Variants in UMAD1 observed in about 807,000 individuals in gnomAD.
UMAD1 encodes the protein UBAP1-MVB12-associated (UMA)-domain containing protein 1.
Under a neutral mutation model 6.1 loss-of-function variants are expected in UMAD1, and 8 were observed. The ratio of observed to expected loss-of-function variants is 1.30; its 90% CI spans 0.76 to 2.35. The LOEUF (loss-of-function observed/expected upper bound fraction) is 2.35. UMAD1 is among the 30% of genes most tolerant of loss of function. The pLI is 0.00. For missense variants in UMAD1, 130 were observed against 78.4 expected (o/e 1.66, Z -2.49); for synonymous variants, 56 against 31.4 (o/e 1.78, Z -2.61).
chr7:7,784,718 C>A (rs1409980116), intron 2 of UMAD1, among the ~76,000 whole-genome samples: 1 of 149,090 alleles, frequency 6.7e-6, no homozygotes, highest in Non-Finnish European at 1.5e-5. Context: ...ATTACCATAT[C>A]ATCTGAATAT....
chr7:7,648,650 A>T (rs1303188628), intron 1 of UMAD1, among the ~76,000 whole-genome samples: 1 of 151,044 alleles, frequency 6.6e-6, no homozygotes, highest in Non-Finnish European at 1.5e-5. Context: ...CAGGAGTTCG[A>T]GACAAGCCTG....
intron 2 of UMAD1, among the ~76,000 whole-genome samples, chr7:7,749,304 A>G (rs1468580146): frequency 1.3e-5 from 2 of 152,166 alleles, no homozygotes; most frequent in Admixed American, 1.3e-4. Flanking sequence ...GGTTTTTATA[A>G]TCTCACCTCA....
chr7:7,845,225 T>G (rs1174310050), intron 3 of UMAD1, among the ~76,000 whole-genome samples: 1 of 152,084 alleles, frequency 6.6e-6, no homozygotes, highest in Non-Finnish European at 1.5e-5. Context: ...TTAGATATAT[T>G]GGGTTAAATA....
Position 7,701,191 on chromosome 7 carries a change from T to A in UMAD1, c.82+27738T>A, listed in dbSNP as rs534500597. On this transcript the variant is annotated intron_variant, in intron 2 of 3. Coordinates refer to ENST00000682710, the MANE Select transcript of UMAD1 (RefSeq NM_001302348.2). ...GGAAGATGTGTGAGGAGGAATGGAA[T>A]CTATCATACCTATTTAAGGAATGAA... Among the ~76,000 whole-genome samples the A allele has an allele frequency of 2.0e-5, 3 of 152,348 alleles. No homozygotes were observed. In the East Asian group the frequency reaches 5.8e-4, roughly 29 times the overall value.
chr7:7,847,104 A>ATAAATAT (rs1273225137), intron 3 of UMAD1, among the ~76,000 whole-genome samples: 1 of 6,618 alleles, frequency 1.5e-4, no homozygotes, highest in African/African-American at 8.1e-4. Context: ...AAAAAAAAAA[A>ATAAATAT]ATATATATAT....
At chr7:7,654,295 C>A (rs1204066107) in intron 1 of UMAD1, among the ~76,000 whole-genome samples, 1 of 152,170 alleles carries the variant, frequency 6.6e-6, no homozygotes, top group Non-Finnish European at 1.5e-5. Flanking sequence ...CCAAGTGAGG[C>A]CATCTGTATT....
In UMAD1 at chr7:7,727,796, A is replaced by G. The variant is rs191483875; in HGVS notation, c.82+54343A>G. Among the ~76,000 whole-genome samples, 399 of 152,222 alleles carry G rather than the reference A, an allele frequency of 2.6e-3. 2 individuals are homozygous for G. The highest frequency in any genetic ancestry group is 8.8e-3 in the African/African-American group (365 of 41,534). ...AGACTTCAAGTTCTTCAGCTTTGGG[A>G]CTTGAACTGGCTTCCTTGCTCCTCA... On this transcript the variant is annotated intron_variant, in intron 2 of 3. Transcript: ENST00000682710.
At chr7:7,762,701 C>T (rs926488581) in intron 2 of UMAD1, among the ~76,000 whole-genome samples, 3 of 152,174 alleles carry the variant, frequency 2.0e-5, no homozygotes, top group African/African-American at 7.2e-5. Flanking sequence ...ACAGGATTCC[C>T]TGTCTTAGAG....
chr7:7,759,265 TC>T (rs199908423), intron 2 of UMAD1, among the ~76,000 whole-genome samples: 2,829 of 152,294 alleles, frequency 0.019, 27 homozygotes, highest in Middle Eastern at 0.061. Flanking sequence ...ACCTTCCTTC[TC>T]CCCAAGTTTG....
At chr7:7,728,119 C>A (rs1781176249) in intron 2 of UMAD1, among the ~76,000 whole-genome samples, 1 of 152,074 alleles carries the variant, frequency 6.6e-6, no homozygotes, top group African/African-American at 2.4e-5. Context: ...CAGCTTGAAG[C>A]CAAACTGGTA....
At chr7:7,817,705 T>C (rs1294562393) in intron 3 of UMAD1, among the ~76,000 whole-genome samples, 1 of 152,180 alleles carries the variant, frequency 6.6e-6, no homozygotes, top group African/African-American at 2.4e-5. Flanking sequence ...CAAAACTTGG[T>C]TGTATTTTGG....
intron 3 of UMAD1, among the ~76,000 whole-genome samples, chr7:7,847,079 C>G (rs1276921359): frequency 6.1e-5 from 2 of 32,632 alleles, no homozygotes; most frequent in African/African-American, 2.7e-4. Flanking sequence ...AAAAAAAAGA[C>G]AGCAATGCAA....
chr7:7,704,349 T>C (rs1371211380), intron 2 of UMAD1, among the ~76,000 whole-genome samples: 12 of 152,124 alleles, frequency 7.9e-5, no homozygotes, highest in South Asian at 6.2e-4. Context: ...TGATTTCTAA[T>C]ATGAAAAATA....
intron 2 of UMAD1, among the ~76,000 whole-genome samples, chr7:7,675,149 G>T (rs1002903040): frequency 1.3e-5 from 2 of 152,166 alleles, no homozygotes; most frequent in African/African-American, 4.8e-5. Context: ...ACAGGCATGA[G>T]CCACCACGTC....
intron 2 of UMAD1, among the ~76,000 whole-genome samples, chr7:7,691,449 T>C (rs1780170279): frequency 6.6e-6 from 1 of 152,256 alleles, no homozygotes; most frequent in Non-Finnish European, 1.5e-5. Context: ...TATGATAGAA[T>C]TTAAAATATC....
chr7:7,847,084 A>C, intron 3 of UMAD1, among the ~76,000 whole-genome samples: 1 of 43,730 alleles, frequency 2.3e-5, no homozygotes, highest in East Asian at 4.7e-4. Context: ...AAAGACAGCA[A>C]TGCAAAAAAA....
At chr7:7,822,046 T>C (rs1783251083) in intron 3 of UMAD1, among the ~76,000 whole-genome samples, 1 of 152,128 alleles carries the variant, frequency 6.6e-6, no homozygotes, top group South Asian at 2.1e-4. Context: ...TTTTGTATGA[T>C]ATCAGCCAAA....
intron 3 of UMAD1, among the ~76,000 whole-genome samples, chr7:7,837,309 G>A (rs1040884212): frequency 2.0e-5 from 3 of 152,076 alleles, no homozygotes; most frequent in Admixed American, 1.3e-4. Flanking sequence ...AATTCTAAGT[G>A]ATGTACGTCA....
intron 2 of UMAD1, among the ~76,000 whole-genome samples, chr7:7,787,838 C>G (rs530478876): frequency 2.0e-5 from 3 of 152,234 alleles, no homozygotes; most frequent in African/African-American, 7.2e-5. Context: ...TTGTAGATCT[C>G]TCCTTAAGCC....
Sources: gnomAD v4.1 joint callset for allele counts (sites outside exome capture counted in the v4.1 genomes callset) on GRCh38, gnomAD v4.1.1 for gene constraint, MANE v1.5 for transcripts, NCBI Gene and HGNC (gene_info 2026-07-23, HGNC 2026-07-21) for gene names.